CFAP61: variants seen among roughly 807,000 people sequenced by gnomAD.
CFAP61 encodes the protein cilia and flagella associated protein 61.
A neutral mutation model predicts 135.6 loss-of-function variants in CFAP61; 107 were observed. The observed-to-expected ratio is 0.79, with a 90% confidence interval of 0.67 to 0.93. CFAP61 has a LOEUF of 0.93. CFAP61 is among the 40% of genes least tolerant of loss of function. The pLI, the probability that CFAP61 is intolerant of heterozygous loss-of-function variation, is 0.00. For missense variants in CFAP61, 1,507 were observed against 1,556.2 expected, an observed-to-expected ratio of 0.97 and a Z score of 0.53; for synonymous variants, 575 against 578.5, an observed-to-expected ratio of 0.99 and a Z score of 0.09.
chr20:20,284,412 A>T (rs2054431135), intron 22 of CFAP61, among the ~76,000 whole-genome samples: 1 of 151,868 alleles, frequency 6.6e-6, no homozygotes, highest in Non-Finnish European at 1.5e-5. Context: ...CAGCTTCCCG[A>T]GTAGCTGGGA....
chr20:20,098,153 C>A (rs2047723270), intron 7 of CFAP61, among the ~76,000 whole-genome samples: 1 of 152,128 alleles, frequency 6.6e-6, no homozygotes, highest in Admixed American at 6.5e-5. Context: ...GGTGTGTCCC[C>A]AGTGGTCACT....
Position 20,115,355 on chromosome 20 carries a change from A to G in CFAP61, c.859+16541A>G, listed in dbSNP as rs1479388446. Among the ~76,000 whole-genome samples the G allele has an allele frequency of 2.9e-5, 4 of 137,638 alleles. No individual in the cohort carries two copies. In the South Asian group the frequency reaches 8.9e-4, roughly 31 times the overall value. The allele number at this position is 137,638 out of a possible 152,430, so 90.3% of individuals were successfully genotyped here. ...ATACTTTTAAAGTACATGTGATAATATATTCATATAATTTCTAAAGATCAA... is the reference window on the plus strand; with the variant it reads ...ATACTTTTAAAGTACATGTGATAATGTATTCATATAATTTCTAAAGATCAA... On this transcript the variant is annotated intron_variant, in intron 8 of 26. Transcript: ENST00000245957.
At chr20:20,262,803 TG>T (rs1476112876) in intron 20 of CFAP61, among the ~76,000 whole-genome samples, 152 bp from the exon 21 acceptor site, 150 of 51,936 alleles carry the variant, frequency 2.9e-3, no homozygotes, top group African/African-American at 0.012. Flanking sequence ...CCTGTTTTTG[TG>T]TTTTTTTTTT....
intron 9 of CFAP61, among the ~76,000 whole-genome samples, chr20:20,149,501 T>C (rs1031506263): frequency 6.6e-6 from 1 of 152,170 alleles, no homozygotes; most frequent in Non-Finnish European, 1.5e-5. Flanking sequence ...ACTGCTGCAA[T>C]TGCCACAAGA....
At chr20:20,065,731 C>A (rs1429908115) in intron 2 of CFAP61, among the ~76,000 whole-genome samples, 1 of 151,816 alleles carries the variant, frequency 6.6e-6, no homozygotes, top group Non-Finnish European at 1.5e-5. Flanking sequence ...CCTAAAAATC[C>A]AGCTAAATTT....
In CFAP61 at chr20:20,245,592, A is replaced by G. The variant is rs552654226; in HGVS notation, c.2061-525A>G. Among the ~76,000 whole-genome samples the G allele has an allele frequency of 5.3e-5, 8 of 152,332 alleles. No individual in the cohort carries two copies. The South Asian group carries it at 1.2e-3, about 24-fold the overall frequency. ...TACACGATGAGATTTGAGTGGGGAC[A>G]CAGAGCCAAACTATATCAATGGTCT... is the stretch of plus-strand genomic sequence containing the variant. On this transcript the variant is annotated intron_variant, in intron 18 of 26. Coordinates refer to ENST00000245957, the MANE Select transcript of CFAP61 (RefSeq NM_015585.4).
intron 26 of CFAP61, among the ~76,000 whole-genome samples, chr20:20,345,042 TA>T (rs1569319305): frequency 2.6e-5 from 4 of 151,950 alleles, no homozygotes; most frequent in East Asian, 1.9e-4. Context: ...TGTGGGAGCT[TA>T]AAAAAAATAA....
intron 2 of CFAP61, among the ~76,000 whole-genome samples, chr20:20,061,755 C>T (rs1450910203): frequency 2.6e-5 from 4 of 152,164 alleles, no homozygotes; most frequent in Non-Finnish European, 5.9e-5. Context: ...TGCTGTAGTC[C>T]CCATGTTTTC....
chr20:20,229,519 C>T (rs1162955266), intron 18 of CFAP61, among the ~76,000 whole-genome samples: 1 of 152,096 alleles, frequency 6.6e-6, no homozygotes, highest in Non-Finnish European at 1.5e-5. Context: ...TACCATCACT[C>T]TTCTGGAAGC....
At chr20:20,284,316 C>T (rs982057574) in intron 22 of CFAP61, among the ~76,000 whole-genome samples, 1 of 150,144 alleles carries the variant, frequency 6.7e-6, no homozygotes, top group African/African-American at 2.5e-5. Flanking sequence ...GATGGAGTCT[C>T]GCTTTGTTGC....
At chr20:20,232,557 G>T (rs1027174378) in intron 18 of CFAP61, among the ~76,000 whole-genome samples, 1 of 152,100 alleles carries the variant, frequency 6.6e-6, no homozygotes, top group African/African-American at 2.4e-5. Flanking sequence ...TCCCAAACAG[G>T]TTTTTTTCCA....
chr20:20,284,446 C>T lies in CFAP61; in HGVS notation c.2797-4163C>T, dbSNP rs529423121. ...GACTACAGGCGGCTGCCACCACACC[C>T]GGCTATTTTTTTGTATTTTTAGTAG... On this transcript the variant is annotated intron_variant, in intron 22 of 26. Transcript: ENST00000245957. 2.8e-3 allele frequency among the ~76,000 whole-genome samples: 426 copies of T among 152,066 alleles called. 4 individuals carry two copies. The highest frequency in any genetic ancestry group is 9.8e-3 in the African/African-American group (405 of 41,500).
In CFAP61 at chr20:20,288,881, G is replaced by A; in HGVS notation, c.3069G>A (p.Glu1023=). 6.2e-7 allele frequency: 1 copy of A among 1,613,544 alleles called. No homozygotes were observed. Among genetic ancestry groups the A allele is most frequent in the South Asian group, 1.1e-5 (1 of 91,068 alleles). Residue 1023 remains glutamate, a synonymous_variant, in exon 23 of 27, where the codon GAG becomes GAA. Transcript: ENST00000245957. ...ATCCAACCCTTGAGCCTGTGACCGA[G>A]CCACCAGCTAATCTTGACCGGCTCA... ...LFDPTLEPVT[E]PPANLDRLIP...
At chr20:20,322,746 T>A in intron 25 of CFAP61, 1 of 985,314 alleles carries the variant, frequency 1.0e-6, no homozygotes, top group South Asian at 4.7e-5. Flanking sequence ...ACAGAAGAGA[T>A]CATTAGAGGG....
chr20:20,273,135 C>A (rs2053491713), intron 21 of CFAP61, among the ~76,000 whole-genome samples: 1 of 149,514 alleles, frequency 6.7e-6, no homozygotes, highest in African/African-American at 2.5e-5. Context: ...CCTGTCTTGG[C>A]CTCCCAAAGT....
At chr20:20,193,907 G>A (rs936176302) in intron 15 of CFAP61, among the ~76,000 whole-genome samples, 6 of 152,078 alleles carry the variant, frequency 3.9e-5, no homozygotes, top group African/African-American at 1.2e-4. Flanking sequence ...AGCCCCCTGC[G>A]CCAGCCTCAT....
At chr20:20,272,697 A>G (rs2053453658) in intron 21 of CFAP61, among the ~76,000 whole-genome samples, 2 of 152,058 alleles carry the variant, frequency 1.3e-5, no homozygotes, top group African/African-American at 2.4e-5. Context: ...TCTCTCACAT[A>G]CTTTTAAACA....
At chr20:20,155,600 T>C (rs1173162283) in intron 9 of CFAP61, among the ~76,000 whole-genome samples, 1 of 151,900 alleles carries the variant, frequency 6.6e-6, no homozygotes, top group Non-Finnish European at 1.5e-5. Context: ...CATCAAAAAG[T>C]GGGCAAAGGA....
chr20:20,286,017 T>TAAAAA (rs11473095), intron 22 of CFAP61, among the ~76,000 whole-genome samples: 1 of 143,494 alleles, frequency 7.0e-6, no homozygotes, highest in Non-Finnish European at 1.5e-5. Context: ...AAAGCAAACT[T>TAAAAA]AAAAAAAAAA....
Sources: allele counts gnomAD v4.1 joint callset (sites outside exome capture counted in the v4.1 genomes callset), GRCh38; gene constraint gnomAD v4.1.1; transcripts MANE v1.5; gene names NCBI Gene and HGNC (gene_info 2026-07-23, HGNC 2026-07-21).